The following USP44 variants were observed in gnomAD, a reference collection of about 807,000 sequenced individuals.
USP44 encodes the protein ubiquitin carboxyl-terminal hydrolase 44.
In USP44, 61 loss-of-function variants were observed where a neutral mutation model predicts 69.0. The observed-to-expected ratio is 0.88, with a 90% CI of 0.72 to 1.09. The LOEUF (loss-of-function observed/expected upper bound fraction) is 1.09. USP44 is among the 50% of genes least tolerant of loss of function. The pLI is 0.00. For synonymous variants in USP44, 297 were observed against 295.4 expected, an observed-to-expected ratio of 1.01 and a Z score of -0.06; for missense variants, 753 against 849.9, an observed-to-expected ratio of 0.89 and a Z score of 1.42.
chr12:95,532,751 G>A (rs1023601564), intron 2 of USP44, 78 bp downstream of exon 2: 6 of 1,237,264 alleles, frequency 4.8e-6, no homozygotes, highest in Non-Finnish European at 6.7e-6. Flanking sequence ...CACACTAGAT[G>A]TACATAGAAT....
intron 1 of USP44, among the ~76,000 whole-genome samples, chr12:95,536,029 C>CT (rs869258655): frequency 7.3e-5 from 9 of 123,870 alleles, no homozygotes; most frequent in East Asian, 2.1e-4. Context: ...TCTTTCTTTC[C>CT]TTTTTTTTCC....
Position 95,533,836 on chromosome 12 carries a change from G to C in USP44, c.421C>G (p.Gln141Glu). The change falls in exon 2 of 6, where the codon CAA becomes GAA. Residue 141 changes from glutamine to glutamate, a missense_variant. Physicochemically the swap from Gln to Glu is conservative, Grantham distance 29. Transcript: ENST00000258499. ...FLHDGAQSLL[Q>E]SEDQLYTALW... ...GCAGTATACAGTTGATCTTCACTTT[G>C]AAGCAGAGATTGGGCACCGTCATGT... 6.2e-7 allele frequency: 1 copy of C among 1,614,042 alleles called. No individual in the cohort carries two copies. The highest frequency in any genetic ancestry group is 8.5e-7 in the Non-Finnish European group (1 of 1,180,024).
chr12:95,522,759 CAA>C (rs1487230747), intron 4 of USP44, among the ~76,000 whole-genome samples: 1 of 118,424 alleles, frequency 8.4e-6, no homozygotes, highest in African/African-American at 3.3e-5. Flanking sequence ...GCCTAGGCGA[CAA>C]GAGCGAAATT....
chr12:95,532,674 T>G (rs751899337), intron 2 of USP44, among the ~76,000 whole-genome samples, 155 bp downstream of exon 2: 11 of 152,116 alleles, frequency 7.2e-5, no homozygotes, highest in Non-Finnish European at 1.6e-4. Context: ...AGGAATTGAG[T>G]GAGCTGATTT....
chr12:95,543,333 G>C (rs141934517), intron 1 of USP44, among the ~76,000 whole-genome samples: 1 of 150,164 alleles, frequency 6.7e-6, no homozygotes, highest in Non-Finnish European at 1.5e-5. Flanking sequence ...CCTGGGAGGC[G>C]GTGGTGGTTG....
intron 1 of USP44, among the ~76,000 whole-genome samples, chr12:95,542,744 C>G (rs1195565639): frequency 2.0e-5 from 3 of 148,676 alleles, no homozygotes; most frequent in Non-Finnish European, 4.5e-5. Flanking sequence ...GAGCAAGACT[C>G]CATCTCAAAA....
chr12:95,524,728 A>G lies in USP44; in HGVS notation c.1685T>C (p.Met562Thr), dbSNP rs772596217. 2.5e-6 allele frequency: 4 copies of G among 1,612,804 alleles called. No individual in the cohort carries two copies. Among genetic ancestry groups the G allele is most frequent in the Admixed American group, 1.7e-5 (1 of 59,756 alleles). Residue 562 changes from methionine to threonine, a missense_variant, in exon 4 of 6, where the codon ATG (methionine) becomes ACG (threonine). Met to Thr is a moderately conservative substitution (Grantham distance 81). Transcript: ENST00000258499. ...VVLTEAQKQL[M>T]ICHLPQVLRL... ...GAGAACCTGAGGTAGGTGGCATATC[A>G]TAAGTTGTTTCTGGGCTTCTGTGAG... is the stretch of plus-strand genomic sequence containing the variant.
At chr12:95,537,427 T>C (rs2077243141) in intron 1 of USP44, among the ~76,000 whole-genome samples, 1 of 152,122 alleles carries the variant, frequency 6.6e-6, no homozygotes, top group African/African-American at 2.4e-5. Context: ...CAAGCGATTC[T>C]CCTGCCTTAG....
chr12:95,538,940 G>A (rs908349230), intron 1 of USP44, among the ~76,000 whole-genome samples: 8 of 152,240 alleles, frequency 5.3e-5, no homozygotes, highest in East Asian at 1.9e-4. Context: ...TCTGGCGTCA[G>A]CAGATTGGAT....
In USP44 at chr12:95,532,998, G is replaced by A; in HGVS notation, c.1259C>T (p.Ala420Val). 6.2e-7 allele frequency: 1 copy of A among 1,614,160 alleles called. No individual in the cohort carries two copies. The highest frequency in any genetic ancestry group is 8.5e-7 in the Non-Finnish European group (1 of 1,180,044). The change falls in exon 2 of 6, where the codon GCC becomes GTC. Residue 420 changes from alanine (A) to valine (V), a missense_variant. Transcript: ENST00000258499. The stretch of plus-strand genomic sequence containing the variant: ...AAGAAATTCCTGAGCGTCTTGTTGG[G>A]CGTAACCACGAAAGGCAGGAATGAG... Reference protein sequence around the residue: ...WRLIPAFRGYAQQDAQEFLCE... With the variant: ...WRLIPAFRGYVQQDAQEFLCE...
Position 95,522,426 on chromosome 12 carries a change from G to T in USP44, c.1734-1224C>A, listed in dbSNP as rs114867981. 2.5e-3 allele frequency among the ~76,000 whole-genome samples: 388 copies of T among 152,230 alleles called. 4 individuals are homozygous for T. Among genetic ancestry groups the T allele is most frequent in the African/African-American group, 9.0e-3 (375 of 41,536 alleles). ...TGTGGGGTTGTGAAATATATATTTGGTTTTCCTTCCAGTTTCCTCAGATAC... is the reference window on the plus strand; with the variant it reads ...TGTGGGGTTGTGAAATATATATTTGTTTTTCCTTCCAGTTTCCTCAGATAC... On this transcript the variant is annotated intron_variant, in intron 4 of 5. Transcript: ENST00000258499.
In USP44 at chr12:95,533,923, A is replaced by G; in HGVS notation, c.334T>C (p.Cys112Arg). 5 of 1,614,226 alleles carry G rather than the reference A, an allele frequency of 3.1e-6. No individual in the cohort carries two copies. The highest frequency in any genetic ancestry group is 1.3e-5 in the African/African-American group (1 of 75,070). The change falls in exon 2 of 6, where the codon TGC (cysteine) becomes CGC (arginine). Residue 112 changes from cysteine (C) to arginine (R), a missense_variant. Physicochemically the swap from Cys to Arg is radical, Grantham distance 180. Coordinates refer to ENST00000258499, the MANE Select transcript of USP44 (RefSeq NM_032147.5). ...LSAIKSQNYH[C>R]TTRSGRFLRS... is the part of the protein sequence containing the mutation. ...AAAAACCTCCCACTACGAGTTGTGC[A>G]GTGATAATTTTGACTTTTGATGGCA...
At chr12:95,530,280 T>C (rs1227595970) in intron 2 of USP44, among the ~76,000 whole-genome samples, 1 of 152,082 alleles carries the variant, frequency 6.6e-6, no homozygotes, top group African/African-American at 2.4e-5. Flanking sequence ...TTTGAGAATT[T>C]TCTTGAATTA....
rs2077561762 is a variant in USP44, at chr12:95,546,096, TAAC to T, written c.-71+5173_-71+5175del. ...TGAATTTCTCACCCCCATCCCTACT[TAAC>T]AAGTAATTTTGTTCCAAAACATTTA... On this transcript the variant is annotated intron_variant, in intron 1 of 5. Coordinates refer to ENST00000258499, the MANE Select transcript of USP44 (RefSeq NM_032147.5). Among the ~76,000 whole-genome samples the T allele has an allele frequency of 3.3e-5, 5 of 152,294 alleles. No homozygotes were observed. In the South Asian group the frequency reaches 1.0e-3, roughly 32 times the overall value.
intron 1 of USP44, among the ~76,000 whole-genome samples, chr12:95,550,162 C>A (rs2140413198): frequency 8.7e-6 from 1 of 115,372 alleles, no homozygotes; most frequent in African/African-American, 3.3e-5. Flanking sequence ...TGGGCAGCAA[C>A]AAGAGCGAAA....
intron 3 of USP44, 76 bp from the exon 4 acceptor site, chr12:95,524,864 A>C: frequency 7.7e-7 from 1 of 1,303,372 alleles, no homozygotes; most frequent in Non-Finnish European, 1.1e-6. Context: ...CCTTCTTTTT[A>C]ATTAAGTCAG....
At chr12:95,523,026 G>C (rs60371171) in intron 4 of USP44, among the ~76,000 whole-genome samples, 18,240 of 152,070 alleles carry the variant, frequency 0.12, 1,911 homozygotes, top group African/African-American at 0.28. Context: ...TGGGCTTCTG[G>C]AGCTTCCGGA....
At chr12:95,523,520 T>C (rs910832661) in intron 4 of USP44, among the ~76,000 whole-genome samples, 1 of 152,108 alleles carries the variant, frequency 6.6e-6, no homozygotes, top group African/African-American at 2.4e-5. Context: ...TATTCTCTGT[T>C]GTAAGAGTAT....
chr12:95,551,140 TCTC>T (rs2077715837), intron 1 of USP44, 129 bp downstream of exon 1: 2 of 152,044 alleles, frequency 1.3e-5, no homozygotes, highest in South Asian at 2.1e-4. Context: ...TAGTCATTCT[TCTC>T]CTTAAATTTT....
Sources: gnomAD v4.1 joint callset for allele counts (sites outside exome capture counted in the v4.1 genomes callset) on GRCh38, gnomAD v4.1.1 for gene constraint, MANE v1.5 for transcripts, NCBI Gene and HGNC (gene_info 2026-07-23, HGNC 2026-07-21) for gene names.